The following EHBP1 variants were observed in gnomAD, a reference collection of about 807,000 sequenced individuals.
The protein encoded by EHBP1 is EH domain binding protein 1.
A neutral mutation model predicts 144.0 loss-of-function variants in EHBP1; 55 were observed. The observed-to-expected ratio is 0.38, with a 90% confidence interval of 0.31 to 0.48. The LOEUF is 0.48. Among genes scored for constraint, EHBP1 ranks in the 20% least tolerant of loss-of-function variants. EHBP1 has a pLI of 0.98. For missense variants in EHBP1, 1,200 were observed against 1,364.2 expected (o/e 0.88, Z 1.90); for synonymous variants, 469 against 472.7 (o/e 0.99, Z 0.10).
At chr2:62,675,037 G>T (rs576853156) in intron 1 of EHBP1, among the ~76,000 whole-genome samples, 2 of 152,268 alleles carry the variant, frequency 1.3e-5, no homozygotes, top group African/African-American at 4.8e-5. Flanking sequence ...GATTTCAGTG[G>T]GATGGAGAGA....
chr2:62,996,854 G>C (rs2059649332), intron 19 of EHBP1, 88 bp downstream of exon 19: 1 of 1,549,446 alleles, frequency 6.5e-7, no homozygotes, highest in Admixed American at 2.2e-5. Flanking sequence ...AATCTTTGAA[G>C]CCTGAATGTT....
At chr2:63,021,170 G>A (rs1055524916) in intron 19 of EHBP1, among the ~76,000 whole-genome samples, 1 of 151,160 alleles carries the variant, frequency 6.6e-6, no homozygotes, top group Admixed American at 6.6e-5. Context: ...TACACATCTC[G>A]TTCTATCATA....
At chr2:62,843,434 A>G (rs530992707) in intron 7 of EHBP1, among the ~76,000 whole-genome samples, 25 of 146,540 alleles carry the variant, frequency 1.7e-4, no homozygotes, top group Non-Finnish European at 3.0e-4. Flanking sequence ...ATGAATGTAA[A>G]TTGTGTGTGT....
intron 8 of EHBP1, among the ~76,000 whole-genome samples, chr2:62,862,258 A>G (rs1448359112): frequency 1.3e-5 from 2 of 152,226 alleles, no homozygotes; most frequent in African/African-American, 2.4e-5. Context: ...TTCAACATAA[A>G]GACAAAATAA....
At chr2:62,760,530 C>T (rs191112255) in intron 3 of EHBP1, among the ~76,000 whole-genome samples, 2 of 152,190 alleles carry the variant, frequency 1.3e-5, no homozygotes, top group African/African-American at 4.8e-5. Flanking sequence ...ATTACTATTC[C>T]CTGATCCAGG....
At position 62,941,798 on chromosome 2, in the gene EHBP1, A is replaced by G. The variant is rs544851846; in HGVS notation, c.1186-920A>G. ...ATAGCTAGCACTTTTAATTAGTAGCAAGATTTAAAGTCCGGAAACATTTAG... is the reference window on the plus strand; with the variant it reads ...ATAGCTAGCACTTTTAATTAGTAGCGAGATTTAAAGTCCGGAAACATTTAG... On this transcript the variant is annotated intron_variant, in intron 10 of 22. Transcript: ENST00000431489. 6.8e-4 allele frequency among the ~76,000 whole-genome samples: 104 copies of G among 152,262 alleles called. No homozygotes were observed. In the Middle Eastern group the frequency reaches 0.024, roughly 35 times the overall value.
At chr2:63,022,489 A>G (rs1167552772) in intron 19 of EHBP1, among the ~76,000 whole-genome samples, 1 of 151,644 alleles carries the variant, frequency 6.6e-6, no homozygotes, top group African/African-American at 2.4e-5. Flanking sequence ...TTATTTTTGT[A>G]TTTTTAGTAG....
intron 8 of EHBP1, 125 bp downstream of exon 8, chr2:62,859,416 T>C (rs2049330359): frequency 5.5e-6 from 5 of 901,042 alleles, no homozygotes; most frequent in Admixed American, 3.0e-5. Flanking sequence ...GATATTATTA[T>C]TGTGTTCAAT....
intron 10 of EHBP1, among the ~76,000 whole-genome samples, chr2:62,940,679 T>C (rs2153068982): frequency 6.6e-6 from 1 of 152,316 alleles, no homozygotes; most frequent in East Asian, 1.9e-4. Flanking sequence ...GCTCTATGAT[T>C]TTCTTTCTTT....
chr2:62,874,198 A>G (rs2152844020), intron 9 of EHBP1, 148 bp from the exon 10 acceptor site: 1 of 556,632 alleles, frequency 1.8e-6, no homozygotes, highest in South Asian at 3.2e-5. Flanking sequence ...CAAAAGATTA[A>G]TAGTCATTAT....
chr2:62,897,927 T>C (rs1228314561), intron 10 of EHBP1, among the ~76,000 whole-genome samples: 1 of 152,188 alleles, frequency 6.6e-6, no homozygotes, highest in Non-Finnish European at 1.5e-5. Context: ...ACGTGACTGT[T>C]GATCACCTAA....
intron 12 of EHBP1, among the ~76,000 whole-genome samples, chr2:62,944,523 T>C (rs2056954076): frequency 6.6e-6 from 1 of 152,208 alleles, no homozygotes; most frequent in Admixed American, 6.5e-5. Context: ...CCATCTAGGT[T>C]TGTGTAAGTA....
chr2:62,847,826 T>G (rs945252736), intron 7 of EHBP1, among the ~76,000 whole-genome samples: 1 of 152,208 alleles, frequency 6.6e-6, no homozygotes, highest in African/African-American at 2.4e-5. Context: ...GACCTTATTT[T>G]TTTAAAATGG....
chr2:62,718,957 C>T (rs2151909854), intron 2 of EHBP1, among the ~76,000 whole-genome samples: 1 of 151,304 alleles, frequency 6.6e-6, no homozygotes, highest in East Asian at 1.9e-4. Flanking sequence ...TGAGAGATAG[C>T]TATTCTGAAT....
chr2:62,764,127 C>T (rs2040981238), intron 3 of EHBP1, 139 bp from the exon 4 acceptor site: 2 of 603,986 alleles, frequency 3.3e-6, no homozygotes, highest in Non-Finnish European at 5.4e-6. Flanking sequence ...AGGGATACTA[C>T]ATAGGGTCAA....
intron 3 of EHBP1, among the ~76,000 whole-genome samples, chr2:62,749,574 A>G (rs2039478903): frequency 1.3e-5 from 2 of 152,216 alleles, no homozygotes; most frequent in African/African-American, 2.4e-5. Context: ...GACTTCCACA[A>G]TGGTTGAACT....
chr2:62,771,950 A>G (rs2041695565), intron 5 of EHBP1: 1 of 152,206 alleles, frequency 6.6e-6, no homozygotes, highest in African/African-American at 2.4e-5. Context: ...TCTACTAAAA[A>G]TACAGAAAAT....
chr2:62,957,708 C>T (rs949828292), intron 14 of EHBP1, among the ~76,000 whole-genome samples: 7 of 121,622 alleles, frequency 5.8e-5, no homozygotes, highest in Non-Finnish European at 9.4e-5. Flanking sequence ...CGCAGTGGTG[C>T]GATCTCGGCT....
chr2:62,795,572 C>T (rs2043479974), intron 5 of EHBP1, among the ~76,000 whole-genome samples: 1 of 152,044 alleles, frequency 6.6e-6, no homozygotes, highest in African/African-American at 2.4e-5. Flanking sequence ...ACCTCTAAAA[C>T]TGGCTTTACT....
Sources: allele counts gnomAD v4.1 joint callset (sites outside exome capture counted in the v4.1 genomes callset), GRCh38; gene constraint gnomAD v4.1.1; transcripts MANE v1.5; gene names NCBI Gene and HGNC (gene_info 2026-07-23, HGNC 2026-07-21).